EPM2A: variants seen among roughly 807,000 people sequenced by gnomAD.
EPM2A encodes the protein EPM2A glucan phosphatase, laforin, also known as laforin.
Under a neutral mutation model 26.5 loss-of-function variants are expected in EPM2A, and 21 were observed. The observed-to-expected ratio is 0.79, with a 90% CI of 0.56 to 1.14. The LOEUF (loss-of-function observed/expected upper bound fraction) is 1.14. EPM2A is among the 50% of genes most tolerant of loss of function. The probability of loss-of-function intolerance (pLI) is 0.00; values close to 1 mark genes in which losing one functional copy is unlikely to be tolerated. For synonymous variants in EPM2A, 217 were observed against 177.6 expected, an observed-to-expected ratio of 1.22 and a Z score of -1.76; for missense variants, 458 against 440.8, an observed-to-expected ratio of 1.04 and a Z score of -0.35.
intron 2 of EPM2A, among the ~76,000 whole-genome samples, chr6:145,592,571 G>T (rs540503481): frequency 1.3e-5 from 2 of 152,030 alleles, no homozygotes; most frequent in African/African-American, 4.8e-5. Context: ...TTCTACAATG[G>T]TTGAACTAGT....
At chr6:145,572,247 A>G (rs1211793926) in intron 2 of EPM2A, among the ~76,000 whole-genome samples, 1 of 152,228 alleles carries the variant, frequency 6.6e-6, no homozygotes, top group Non-Finnish European at 1.5e-5. Context: ...GTGCAGAACC[A>G]TCTGTGAACC....
At chr6:145,509,831 T>A (rs1173476542) in intron 2 of EPM2A, among the ~76,000 whole-genome samples, 1 of 152,138 alleles carries the variant, frequency 6.6e-6, no homozygotes, top group East Asian at 1.9e-4. Context: ...CTGCTGTTTT[T>A]AAGAGATCTA....
rs1464819408 is a variant in EPM2A, at chr6:145,564,426, C to T, written c.341-61851G>A. Among the ~76,000 whole-genome samples, 3 of 152,172 alleles carry T rather than the reference C, an allele frequency of 2.0e-5. No homozygotes were observed. The South Asian group carries it at 6.2e-4, about 32-fold the overall frequency. ...AAATCAGGAGAGGTCCAGAGAACTC[C>T]ACCCAACAGCATGAGCAGTGAGGCT... On this transcript the variant is annotated intron_variant, in intron 2 of 3. Transcript: ENST00000450221.
rs113555794 is a variant in EPM2A at position 145,708,786 on chromosome 6, C to CA, written c.302-22491dup. Among the ~76,000 whole-genome samples the CA allele has an allele frequency of 7.6e-3, 1,165 of 152,312 alleles. 18 individuals are homozygous for CA. The highest frequency in any genetic ancestry group is 0.027 in the African/African-American group (1,105 of 41,572). ...TAATGGAGCTGTTAGAAGAGGGCCA[C>CA]AAACCTCTAGACCTCAGAATGCTGG... On this transcript the variant is annotated intron_variant, in intron 1 of 3. Transcript: ENST00000367519.
intron 2 of EPM2A, among the ~76,000 whole-genome samples, chr6:145,618,864 A>G (rs1483832846): frequency 1.3e-5 from 2 of 152,230 alleles, no homozygotes; most frequent in Non-Finnish European, 2.9e-5. Context: ...AGACAGTAGT[A>G]TATTTGAAGT....
At position 145,708,670 on chromosome 6, in the gene EPM2A, C is replaced by T. The variant is rs376329325; in HGVS notation, c.302-22374G>A. Among the ~76,000 whole-genome samples the T allele has an allele frequency of 1.3e-4, 20 of 152,294 alleles. No homozygotes were observed. The East Asian group carries it at 2.5e-3, about 19-fold the overall frequency. ...CCCAGGAAGAAGTTTGCTGCAGGGG[C>T]GGGGTCCTCATGCAGAACCTCTGCT... On this transcript the variant is annotated intron_variant, in intron 1 of 3. Transcript: ENST00000367519.
At chr6:145,584,412 C>A (rs944814233) in intron 2 of EPM2A, among the ~76,000 whole-genome samples, 1 of 152,176 alleles carries the variant, frequency 6.6e-6, no homozygotes, top group African/African-American at 2.4e-5. Flanking sequence ...CTGGCCCCAT[C>A]CCACAGTCAA....
At chr6:145,690,373 G>A (rs909494368) in intron 1 of EPM2A, among the ~76,000 whole-genome samples, 13 of 151,522 alleles carry the variant, frequency 8.6e-5, no homozygotes, top group South Asian at 2.1e-4. Flanking sequence ...AGCCGGGTGC[G>A]GTGGCGGGCG....
At chr6:145,733,281 T>G (rs1182483805) in intron 1 of EPM2A, among the ~76,000 whole-genome samples, 1 of 143,198 alleles carries the variant, frequency 7.0e-6, no homozygotes. Flanking sequence ...AGAAAAATAT[T>G]TATCAAAAAA....
rs529982737 is a variant in EPM2A at position 145,403,763 on chromosome 6, C to A, written c.556-19666G>T. ...GCTCTTTAATATAATGATTTCCTTTCTTTTGTATATATACCCAGCAGTGGG... is the reference window on the plus strand; with the variant it reads ...GCTCTTTAATATAATGATTTCCTTTATTTTGTATATATACCCAGCAGTGGG... On this transcript the variant is annotated intron_variant, in intron 4 of 4. Coordinates refer to the EPM2A transcript ENST00000638717. Among the ~76,000 whole-genome samples, 3 of 152,186 alleles carry A rather than the reference C, an allele frequency of 2.0e-5. No individual in the cohort carries two copies. In the South Asian group the frequency reaches 6.2e-4, roughly 31 times the overall value.
Position 145,595,912 on chromosome 6 carries a change from T to A in EPM2A, c.340+39333A>T, listed in dbSNP as rs149265518. 6.0e-4 allele frequency among the ~76,000 whole-genome samples: 92 copies of A among 152,282 alleles called. 1 individual carries two copies. Among genetic ancestry groups the A allele is most frequent in the African/African-American group, 2.0e-3 (84 of 41,568 alleles). ...GTGTGCATCCTTGTCAGCATTCTGA[T>A]GTCAATGGAAACACCCCAGTGATGA... On this transcript the variant is annotated intron_variant, in intron 2 of 3. Transcript: ENST00000450221.
chr6:145,505,650 A>T (rs965850650), intron 2 of EPM2A, among the ~76,000 whole-genome samples: 1 of 152,156 alleles, frequency 6.6e-6, no homozygotes, highest in African/African-American at 2.4e-5. Context: ...TTTAAGAGCA[A>T]AGTCTTAGTT....
chr6:145,415,190 T>C (rs1778691800), intron 4 of EPM2A, among the ~76,000 whole-genome samples: 1 of 152,230 alleles, frequency 6.6e-6, no homozygotes, highest in Non-Finnish European at 1.5e-5. Flanking sequence ...TGTGCTTTCA[T>C]TGGCTAGAAC....
At chr6:145,592,424 G>T (rs1318371198) in intron 2 of EPM2A, among the ~76,000 whole-genome samples, 1 of 151,944 alleles carries the variant, frequency 6.6e-6, no homozygotes, top group African/African-American at 2.4e-5. Context: ...TGGACATTTG[G>T]GTTGGTTCCA....
intron 2 of EPM2A, among the ~76,000 whole-genome samples, chr6:145,660,246 C>T (rs1276151206): frequency 6.6e-6 from 1 of 152,052 alleles, no homozygotes; most frequent in Non-Finnish European, 1.5e-5. Context: ...AAGAGATCCC[C>T]ATAGCTCTAT....
At chr6:145,591,844 T>A (rs1249721096) in intron 2 of EPM2A, among the ~76,000 whole-genome samples, 2 of 151,762 alleles carry the variant, frequency 1.3e-5, no homozygotes, top group Non-Finnish European at 2.9e-5. Context: ...TTAATAATAG[T>A]AACAATATAC....
At chr6:145,612,684 A>T (rs938131591) in intron 2 of EPM2A, among the ~76,000 whole-genome samples, 1 of 148,780 alleles carries the variant, frequency 6.7e-6, no homozygotes, top group Admixed American at 6.7e-5. Context: ...GTTTATATTC[A>T]TTGTTATCTA....
intron 4 of EPM2A, among the ~76,000 whole-genome samples, chr6:145,487,184 T>C (rs448939): frequency 0.5 from 75,549 of 152,066 alleles, 19,065 homozygotes; most frequent in South Asian, 0.58. Flanking sequence ...TGCTTTTTTA[T>C]GGCTGCATGG....
intron 4 of EPM2A, among the ~76,000 whole-genome samples, chr6:145,415,036 C>T (rs967166580): frequency 1.3e-5 from 2 of 152,172 alleles, no homozygotes; most frequent in African/African-American, 4.8e-5. Context: ...TAGATTGCTT[C>T]CTTTGTCAAA....
Sources: allele counts gnomAD v4.1 joint callset (sites outside exome capture counted in the v4.1 genomes callset), GRCh38; gene constraint gnomAD v4.1.1; transcripts MANE v1.5; gene names NCBI Gene and HGNC (gene_info 2026-07-23, HGNC 2026-07-21).